TRIO: variants seen among roughly 807,000 people sequenced by gnomAD.
The protein encoded by TRIO is trio Rho guanine nucleotide exchange factor.
A neutral mutation model predicts 351.9 loss-of-function variants in TRIO; 58 were observed. The observed-to-expected ratio is 0.16, with a 90% CI of 0.13 to 0.21. The LOEUF is 0.21. TRIO is among the 10% of genes least tolerant of loss of function. The pLI is 1.00. For synonymous variants in TRIO, 1,758 were observed against 1,595.7 expected, an observed-to-expected ratio of 1.10 and a Z score of -2.42; for missense variants, 3,201 against 4,027.8, an observed-to-expected ratio of 0.79 and a Z score of 5.56.
In TRIO at chr5:14,431,437, G is replaced by A. The variant is rs141563449; in HGVS notation, c.5203+11416G>A. ...AAACATTCGAGAGGACAGTAAACAGGCTCGTTTGCCTTGGCTGCATTGCAC... is the reference window on the plus strand; with the variant it reads ...AAACATTCGAGAGGACAGTAAACAGACTCGTTTGCCTTGGCTGCATTGCAC... On this transcript the variant is annotated intron_variant, in intron 34 of 56. Coordinates refer to ENST00000344204, the MANE Select transcript of TRIO (RefSeq NM_007118.4). Among the ~76,000 whole-genome samples, 878 of 152,304 alleles carry A rather than the reference G, an allele frequency of 5.8e-3. 7 individuals carry two copies. The highest frequency in any genetic ancestry group is 0.02 in the African/African-American group (832 of 41,560).
intron 17 of TRIO, 67 bp downstream of exon 17, chr5:14,368,966 G>A (rs569120304): frequency 2.0e-6 from 3 of 1,521,996 alleles, no homozygotes; most frequent in South Asian, 2.5e-5. Context: ...TTATTGGACA[G>A]CTCAATCATT....
At chr5:14,198,774 G>A (rs1403521101) in intron 1 of TRIO, among the ~76,000 whole-genome samples, 1 of 152,088 alleles carries the variant, frequency 6.6e-6, no homozygotes, top group East Asian at 1.9e-4. Flanking sequence ...TTTGCTTATA[G>A]CCATCACCTG....
intron 34 of TRIO, among the ~76,000 whole-genome samples, chr5:14,428,928 C>T (rs565419250): frequency 6.6e-6 from 1 of 152,322 alleles, no homozygotes; most frequent in East Asian, 1.9e-4. Flanking sequence ...CCGCCACGTC[C>T]TCTCCTGCCT....
intron 1 of TRIO, among the ~76,000 whole-genome samples, chr5:14,248,065 CA>C (rs71599612): frequency 0.13 from 16,804 of 132,260 alleles, 1,277 homozygotes; most frequent in African/African-American, 0.25. Flanking sequence ...GACTCCGTCT[CA>C]AAAAAAAAAA....
chr5:14,456,951 C>G (rs959216533), intron 34 of TRIO, among the ~76,000 whole-genome samples: 2 of 152,106 alleles, frequency 1.3e-5, no homozygotes, highest in Non-Finnish European at 2.9e-5. Flanking sequence ...TGTATCACAA[C>G]CCAGCAAAGA....
At chr5:14,465,688 G>A in intron 37 of TRIO, 48 bp downstream of exon 37, 1 of 1,594,462 alleles carries the variant, frequency 6.3e-7, no homozygotes, top group Non-Finnish European at 8.6e-7. Flanking sequence ...GCTCTGTGTT[G>A]CTACTTGCAG....
rs775759986 is a variant in TRIO, at chr5:14,488,079, CCTT to C, written c.7454_7456del (p.Phe2485del). 4.3e-6 allele frequency: 7 copies of C among 1,610,000 alleles called. No individual in the cohort carries two copies. The highest frequency in any genetic ancestry group is 5.9e-6 in the Non-Finnish European group (7 of 1,179,066). On this transcript the variant is annotated inframe_deletion, in exon 48 of 57. Transcript: ENST00000344204. ...AGCAGCCCCCTGCAGAAGGGGGGCTCCTTCTGGAGCTCCATCCCCGCCTCCCCC... is the reference window on the plus strand; with the variant it reads ...AGCAGCCCCCTGCAGAAGGGGGGCTCCTGGAGCTCCATCCCCGCCTCCCCC...
chr5:14,449,386 C>T (rs1355810067), intron 34 of TRIO, among the ~76,000 whole-genome samples: 3 of 152,144 alleles, frequency 2.0e-5, no homozygotes, highest in Non-Finnish European at 4.4e-5. Context: ...TTGGTGACAT[C>T]GACGCGGCCA....
At chr5:14,192,884 GC>G (rs2152154373) in intron 1 of TRIO, among the ~76,000 whole-genome samples, 1 of 152,318 alleles carries the variant, frequency 6.6e-6, no homozygotes, top group South Asian at 2.1e-4. Context: ...TGATTACTTT[GC>G]AAGTCATAGT....
intron 2 of TRIO, among the ~76,000 whole-genome samples, chr5:14,275,338 G>T (rs1254403993): frequency 6.6e-6 from 1 of 152,056 alleles, no homozygotes; most frequent in Admixed American, 6.6e-5. Flanking sequence ...GTATTTTAAA[G>T]TCACATGAAA....
chr5:14,207,262 T>TACACACAC (rs56915481), intron 1 of TRIO, among the ~76,000 whole-genome samples: 756 of 46,028 alleles, frequency 0.016, 79 homozygotes, highest in East Asian at 0.059. Flanking sequence ...AGATGGTCTC[T>TACACACAC]ACACACACAC....
intron 4 of TRIO, among the ~76,000 whole-genome samples, chr5:14,287,746 G>C (rs1428906397): frequency 6.6e-6 from 1 of 152,204 alleles, no homozygotes; most frequent in African/African-American, 2.4e-5. Context: ...AAGTCTTCCT[G>C]CCAGCATGAA....
chr5:14,461,203 G>A lies in TRIO; in HGVS notation c.5388G>A (p.Leu1796=), dbSNP rs751789451. Residue 1796 remains leucine (L), a synonymous_variant, in exon 35 of 57, where the codon CTG becomes CTA. Coordinates refer to ENST00000344204, the MANE Select transcript of TRIO (RefSeq NM_007118.4). ...AGGCCGACGGGCACGTGAAGAAGCT[G>A]GCGCACAAGCACAAGAAGAGCCGCG... ...SGKADGHVKK[L]AHKHKKSREV... The A allele has an allele frequency of 3.2e-6, 5 of 1,567,342 alleles. No individual in the cohort carries two copies. The South Asian group carries it at 4.7e-5, about 15-fold the overall frequency.
At position 14,268,697 on chromosome 5, in the gene TRIO, C is replaced by T. The variant is rs534951540; in HGVS notation, c.158-2128C>T. 3.3e-5 allele frequency among the ~76,000 whole-genome samples: 5 copies of T among 152,372 alleles called. No homozygotes were observed. In the East Asian group the frequency reaches 9.6e-4, roughly 29 times the overall value. On this transcript the variant is annotated intron_variant, in intron 1 of 56. Transcript: ENST00000344204. ...TGTCTATCATGTGATCTGTCCCCTC[C>T]TCATTTGCCTGGGTCCCATAGCACT...
intron 19 of TRIO, among the ~76,000 whole-genome samples, chr5:14,376,515 A>G (rs30766): frequency 0.23 from 34,717 of 152,200 alleles, 4,557 homozygotes; most frequent in Middle Eastern, 0.36. Context: ...AAATGGGACT[A>G]TATTACCTTG....
chr5:14,218,748 T>C (rs1379914939), intron 1 of TRIO, among the ~76,000 whole-genome samples: 2 of 152,314 alleles, frequency 1.3e-5, no homozygotes, highest in East Asian at 3.9e-4. Flanking sequence ...ACCCGGCTGC[T>C]GTGGGGGTTC....
intron 9 of TRIO, among the ~76,000 whole-genome samples, chr5:14,324,645 A>G (rs927997127): frequency 3.3e-5 from 5 of 152,230 alleles, no homozygotes; most frequent in Admixed American, 6.5e-5. Context: ...GAAGACCTCC[A>G]TTTGAATCTC....
At chr5:14,261,702 G>A (rs1186711103) in intron 1 of TRIO, among the ~76,000 whole-genome samples, 1 of 152,232 alleles carries the variant, frequency 6.6e-6, no homozygotes, top group African/African-American at 2.4e-5. Context: ...TCCTTTGGTT[G>A]TGGAGGTGCT....
At chr5:14,252,294 A>G (rs1248027068) in intron 1 of TRIO, among the ~76,000 whole-genome samples, 1 of 152,148 alleles carries the variant, frequency 6.6e-6, no homozygotes, top group African/African-American at 2.4e-5. Context: ...CTCTCTATCC[A>G]GCTGTGGCCT....
Sources: allele counts gnomAD v4.1 joint callset (sites outside exome capture counted in the v4.1 genomes callset), GRCh38; gene constraint gnomAD v4.1.1; transcripts MANE v1.5; gene names NCBI Gene and HGNC (gene_info 2026-07-23, HGNC 2026-07-21).